Variants in POLR2F observed in about 807,000 individuals in gnomAD.
POLR2F encodes RNA polymerase II, I and III subunit F.
A neutral mutation model predicts 22.7 loss-of-function variants in POLR2F; 12 were observed. The ratio of observed to expected loss-of-function variants is 0.53; its 90% confidence interval spans 0.34 to 0.86. The LOEUF (loss-of-function observed/expected upper bound fraction) is 0.86. POLR2F is among the 40% of genes least tolerant of loss of function. The pLI, the probability that POLR2F is intolerant of heterozygous loss-of-function variation, is 0.02. For missense variants in POLR2F, 126 were observed against 171.5 expected (o/e 0.73, Z 1.48); for synonymous variants, 57 against 66.0 (o/e 0.86, Z 0.66).
chr22:37,959,415 A>G lies in POLR2F; in HGVS notation c.160A>G (p.Thr54Ala). Reference sequence around the variant, plus strand: ...GCAGGCCAACCAGAAGCGAATCACCACACCATACATGACCAAGTACGAGCG... The same window carrying G: ...GCAGGCCAACCAGAAGCGAATCACCGCACCATACATGACCAAGTACGAGCG... ...RPQANQKRIT[T>A]PYMTKYERAR... The change falls in exon 3 of 5, where the codon ACA (threonine) becomes GCA (alanine). Residue 54 changes from threonine (T) to alanine (A), a missense_variant. Thr to Ala is a moderately conservative substitution (Grantham distance 58). Transcript: ENST00000442738. 2 of 1,614,084 alleles carry G rather than the reference A, an allele frequency of 1.2e-6. No homozygotes were observed. Among genetic ancestry groups the G allele is most frequent in the Non-Finnish European group, 8.5e-7 (1 of 1,179,988 alleles).
chr22:38,007,565 C>T (rs2084832797), intron 1 of POLR2F, among the ~76,000 whole-genome samples: 1 of 152,188 alleles, frequency 6.6e-6, no homozygotes, highest in Non-Finnish European at 1.5e-5. Context: ...CCAAGACCCG[C>T]TTTCACGTCT....
At chr22:37,960,097 C>A (rs1455148918) in intron 3 of POLR2F, among the ~76,000 whole-genome samples, 1 of 152,144 alleles carries the variant, frequency 6.6e-6, no homozygotes, top group Non-Finnish European at 1.5e-5. Flanking sequence ...AGCCACCGCG[C>A]CCGGCCATGG....
chr22:37,960,887 C>T (rs374236585), intron 3 of POLR2F, among the ~76,000 whole-genome samples: 1 of 135,244 alleles, frequency 7.4e-6, no homozygotes, highest in Non-Finnish European at 1.5e-5. Context: ...CTCGCTCTGT[C>T]GCCCAAGCTG....
At chr22:37,963,114 G>T (rs1931715240) in intron 3 of POLR2F, among the ~76,000 whole-genome samples, 1 of 152,028 alleles carries the variant, frequency 6.6e-6, no homozygotes, top group Admixed American at 6.6e-5. Context: ...AGCTTCCCGG[G>T]TAGCTGGGAT....
At chr22:38,021,272 G>A (rs1390871922) in intron 1 of POLR2F, among the ~76,000 whole-genome samples, 1 of 152,208 alleles carries the variant, frequency 6.6e-6, no homozygotes, top group Admixed American at 6.5e-5. Context: ...GTTGGTGAGG[G>A]TAGCCCAGAA....
chr22:37,998,852 A>G (rs2084742332), intron 1 of POLR2F, among the ~76,000 whole-genome samples: 1 of 151,616 alleles, frequency 6.6e-6, no homozygotes, highest in South Asian at 2.1e-4. Context: ...AGAGGAGAGG[A>G]GAGGAGAGGA....
At chr22:37,966,804 G>A (rs1377116447) in intron 3 of POLR2F, among the ~76,000 whole-genome samples, 1 of 152,122 alleles carries the variant, frequency 6.6e-6, no homozygotes, top group Admixed American at 6.5e-5. Flanking sequence ...GAAATGAGGT[G>A]CACTGGGCAC....
chr22:37,986,783 A>T lies in POLR2F; in HGVS notation c.120+471A>T, dbSNP rs759260476. 3.9e-5 allele frequency: 18 copies of T among 463,510 alleles called. No individual in the cohort carries two copies. Among genetic ancestry groups the T allele is most frequent in the South Asian group, 2.8e-4 (18 of 64,644 alleles). 28.7% of individuals were successfully genotyped at this position (463,510 alleles called of 1,614,324 possible). On this transcript the variant is annotated intron_variant, in intron 1 of 2. Transcript: ENST00000333418. The surrounding 1 kb of genome is among the most constrained non-coding windows in gnomAD (Gnocchi z 4.7). ...CCCTGCTGCGAACACATCCCTGCCCACCATGCTGGCAACTGGGATCCCCTC... is the reference window on the plus strand; with the variant it reads ...CCCTGCTGCGAACACATCCCTGCCCTCCATGCTGGCAACTGGGATCCCCTC...
chr22:38,018,110 T>G (rs1257886406), intron 1 of POLR2F, among the ~76,000 whole-genome samples: 2 of 152,052 alleles, frequency 1.3e-5, no homozygotes, highest in African/African-American at 4.8e-5. Context: ...TGGCTTAGAG[T>G]GGGGACTCAG....
At chr22:38,036,108 T>C (rs895528508) in intron 5 of POLR2F, among the ~76,000 whole-genome samples, 5 of 151,916 alleles carry the variant, frequency 3.3e-5, no homozygotes, top group African/African-American at 9.7e-5. Context: ...CCCAAGTAGC[T>C]GGGATTACAG....
rs1317423152 is a variant in POLR2F at position 37,980,535 on chromosome 22, T to C, written c.293+13365T>C. On this transcript the variant is annotated intron_variant, in intron 4 of 4. Coordinates refer to the POLR2F transcript ENST00000405557. This position sits in a 1 kb window ranked among gnomAD's most constrained non-coding sequence, Gnocchi z 4.1. ...ACTGCCATCCCCGACCCCAGCTCCC[T>C]CCTCCACCAGCTGTGCCGGACAGCT... Among the ~76,000 whole-genome samples the C allele has an allele frequency of 6.6e-6, 1 of 151,702 alleles. No homozygotes were observed. The highest frequency in any genetic ancestry group is 2.4e-5 in the African/African-American group (1 of 41,232).
At chr22:37,962,621 G>A (rs1003295447) in intron 3 of POLR2F, among the ~76,000 whole-genome samples, 1 of 152,202 alleles carries the variant, frequency 6.6e-6, no homozygotes, top group East Asian at 1.9e-4. Context: ...TTTACATTAA[G>A]TACAATTAAA....
chr22:37,975,585 A>G (rs1466447186), intron 4 of POLR2F, among the ~76,000 whole-genome samples: 1 of 152,120 alleles, frequency 6.6e-6, no homozygotes, highest in Non-Finnish European at 1.5e-5. Flanking sequence ...TGGTCTTAAG[A>G]GACTAGGAGC....
At chr22:37,983,745 G>A, upstream of POLR2F, 1 of 1,485,538 alleles carries the variant, frequency 6.7e-7, no homozygotes, top group South Asian at 1.2e-5. The surrounding 1 kb of genome is among the most constrained non-coding windows in gnomAD (Gnocchi z 9.5). Context: ...GAGCCCACGG[G>A]GCTCAGCTCC....
chr22:37,966,953 C>T (rs936121774), intron 3 of POLR2F, 146 bp from the exon 4 acceptor site: 6 of 603,432 alleles, frequency 9.9e-6, no homozygotes, highest in Middle Eastern at 4.5e-4. Flanking sequence ...TCTGGCAGTG[C>T]CCCTACACAC....
chr22:37,971,436 G>A (rs1932048621), downstream of POLR2F: 1 of 396,178 alleles, frequency 2.5e-6, no homozygotes, highest in African/African-American at 2.1e-5. Flanking sequence ...CCAACCATCG[G>A]AGTTGTTCAT....
At chr22:37,981,176 C>T (rs1006123882) in intron 4 of POLR2F, among the ~76,000 whole-genome samples, 4 of 152,226 alleles carry the variant, frequency 2.6e-5, no homozygotes, top group Admixed American at 6.5e-5. Context: ...GGTTTTAAGA[C>T]ACCTGTTTTC....
At chr22:37,985,231 G>C (rs945416353), upstream of POLR2F, 1 of 152,294 alleles carries the variant, frequency 6.6e-6, no homozygotes, top group Non-Finnish European at 1.5e-5. Flanking sequence ...AGGTGGGACA[G>C]GTTGGGGGCC....
Position 37,956,814 on chromosome 22 carries a change from G to C in POLR2F, c.62G>C (p.Gly21Ala). ...DDFDDVEEDE[G>A]LDDLENAEEE... The stretch of plus-strand genomic sequence containing the variant: ...TTTGATGATGTGGAGGAGGATGAAG[G>C]GCTAGATGACTTGGAGAATGCCGAA... The change falls in exon 2 of 5, where the codon GGG becomes GCG. Residue 21 changes from glycine to alanine, a missense_variant. By Grantham distance (60) the Gly-to-Ala change is moderately conservative. Coordinates refer to ENST00000442738, the MANE Select transcript of POLR2F (RefSeq NM_021974.5). 1 of 1,614,076 alleles carries C rather than the reference G, an allele frequency of 6.2e-7. No individual in the cohort carries two copies. The highest frequency in any genetic ancestry group is 1.3e-5 in the African/African-American group (1 of 75,052).
Sources: gnomAD v4.1 joint callset for allele counts (sites outside exome capture counted in the v4.1 genomes callset) on GRCh38, gnomAD v4.1.1 for gene constraint, Gnocchi (gnomAD v3.1) non-coding constraint, MANE v1.5 for transcripts, NCBI Gene and HGNC (gene_info 2026-07-23, HGNC 2026-07-21) for gene names.